Variants in AOPEP observed in about 807,000 individuals in gnomAD.
The protein encoded by AOPEP is aminopeptidase O (putative), also known as aminopeptidase O.
In AOPEP, 77 loss-of-function variants were observed where a neutral mutation model predicts 98.1. That is an observed-to-expected ratio of 0.78 (90% CI 0.65 to 0.95). The LOEUF (loss-of-function observed/expected upper bound fraction) is 0.95, where lower values mean the gene tolerates loss of function less well. Among genes scored for constraint, AOPEP ranks in the 40% least tolerant of loss-of-function variants. The pLI, the probability that AOPEP is intolerant of heterozygous loss-of-function variation, is 0.00. For missense variants in AOPEP, 1,024 were observed against 1,024.7 expected, an observed-to-expected ratio of 1.00 and a Z score of 0.01; for synonymous variants, 346 against 365.3, an observed-to-expected ratio of 0.95 and a Z score of 0.60.
At chr9:95,086,167 C>T (rs756541356) in intron 16 of AOPEP, 2 of 1,331,756 alleles carry the variant, frequency 1.5e-6, no homozygotes, top group Admixed American at 4.2e-5. Flanking sequence ...TCGCGGCAGA[C>T]AGGCCCGCGT....
intron 9 of AOPEP, among the ~76,000 whole-genome samples, chr9:94,966,793 T>C (rs1378773936): frequency 6.6e-6 from 1 of 152,200 alleles, no homozygotes; most frequent in Non-Finnish European, 1.5e-5. Flanking sequence ...GCATCTCTTC[T>C]TATTTGACAA....
intron 4 of AOPEP, among the ~76,000 whole-genome samples, chr9:94,798,127 G>A (rs1847432531): frequency 6.6e-6 from 1 of 152,188 alleles, no homozygotes; most frequent in Admixed American, 6.5e-5. Flanking sequence ...AAGTGAGCCA[G>A]TCTGAGAAGA....
chr9:95,141,311 CAAAAAAAA>C, the AOPEP span, among the ~76,000 whole-genome samples: 1 of 54,862 alleles, frequency 1.8e-5, no homozygotes, highest in African/African-American at 7.5e-5. Context: ...GACCCTGTCT[CAAAAAAAA>C]AAAAAAAAAA....
chr9:94,931,773 C>A, intron 7 of AOPEP: 5 of 1,550,114 alleles, frequency 3.2e-6, no homozygotes, highest in Non-Finnish European at 4.4e-6. Context: ...CCACACTGTT[C>A]AACATGTTTG....
At chr9:95,002,093 C>T (rs1225547373) in intron 11 of AOPEP, among the ~76,000 whole-genome samples, 1 of 152,028 alleles carries the variant, frequency 6.6e-6, no homozygotes, top group Admixed American at 6.6e-5. Flanking sequence ...TATAAAGTTA[C>T]CCTGGCAATA....
Position 95,005,167 on chromosome 9 carries a change from AG to A in AOPEP, c.1990del (p.Glu664SerfsTer24). The A allele has an allele frequency of 8.7e-7, 1 of 1,152,774 alleles. No homozygotes were observed. The highest frequency in any genetic ancestry group is 1.1e-6 in the Non-Finnish European group (1 of 933,344). The allele number at this position is 1,152,774 out of a possible 1,614,324, so 71.4% of individuals were successfully genotyped here. On this transcript the variant is annotated frameshift_variant, in exon 12 of 17. Coordinates refer to ENST00000375315, the MANE Select transcript of AOPEP (RefSeq NM_001193329.3). LOFTEE classifies it high-confidence loss of function. Reference protein sequence around the residue: ...ESSGIPKPLQRERRAGAECGL... With the variant: ...ESSGIPKPLQXERRAGAECGL... ...TCCTCTTCCCCCGCAGCCGCTGCAGAGGGAGCGTCGCGCCGGGGCGGAGTGC... is the reference window on the plus strand; with the variant it reads ...TCCTCTTCCCCCGCAGCCGCTGCAGAGGAGCGTCGCGCCGGGGCGGAGTGC...
intron 9 of AOPEP, among the ~76,000 whole-genome samples, chr9:94,963,442 C>T (rs1397612410): frequency 6.6e-6 from 1 of 151,852 alleles, no homozygotes; most frequent in Admixed American, 6.6e-5. Flanking sequence ...ATGCGATGGA[C>T]CTGATTGGCA....
intron 13 of AOPEP, among the ~76,000 whole-genome samples, chr9:95,012,991 G>A (rs1416421259): frequency 7.2e-6 from 1 of 139,614 alleles, no homozygotes; most frequent in African/African-American, 2.6e-5. Flanking sequence ...TTTTTTTGGG[G>A]GGGGGGGCAG....
At chr9:94,924,488 G>T (rs1376081837) in intron 6 of AOPEP, among the ~76,000 whole-genome samples, 1 of 152,206 alleles carries the variant, frequency 6.6e-6, no homozygotes, top group East Asian at 1.9e-4. Context: ...CTGATAAGGA[G>T]ATATTTGAGC....
chr9:94,922,321 C>T (rs2053744462), intron 5 of AOPEP, among the ~76,000 whole-genome samples: 1 of 152,116 alleles, frequency 6.6e-6, no homozygotes, highest in African/African-American at 2.4e-5. Flanking sequence ...GGAGTCCGCC[C>T]TCCAGTCTCT....
At chr9:94,918,085 T>C (rs2053090075) in intron 5 of AOPEP, among the ~76,000 whole-genome samples, 1 of 152,204 alleles carries the variant, frequency 6.6e-6, no homozygotes, top group African/African-American at 2.4e-5. Flanking sequence ...TACCAGGCTT[T>C]AGCAAATATA....
intron 13 of AOPEP, among the ~76,000 whole-genome samples, chr9:95,039,032 G>C (rs1424942790): frequency 1.3e-5 from 2 of 152,186 alleles, no homozygotes; most frequent in African/African-American, 4.8e-5. Context: ...AAAGTGACCA[G>C]CTCTGGGTTT....
At chr9:94,931,314 C>T (rs1044742964) in intron 7 of AOPEP, among the ~76,000 whole-genome samples, 15 of 152,016 alleles carry the variant, frequency 9.9e-5, no homozygotes, top group African/African-American at 3.6e-4. Context: ...TCTTTGTCTT[C>T]GTATTCAGAA....
intron 13 of AOPEP, chr9:95,056,320 C>A: frequency 6.6e-6 from 1 of 152,540 alleles, no homozygotes. Context: ...CCGGGAGGTG[C>A]CCTCCTTTGC....
chr9:95,080,964 C>G, intron 15 of AOPEP, 184 bp downstream of exon 15: 1 of 597,946 alleles, frequency 1.7e-6, no homozygotes, highest in Non-Finnish European at 3.0e-6. Flanking sequence ...CTCTCAATGT[C>G]TTTGAAGGAT....
chr9:95,146,100 T>C, the AOPEP span, among the ~76,000 whole-genome samples: 1 of 152,154 alleles, frequency 6.6e-6, no homozygotes, highest in Non-Finnish European at 1.5e-5. Flanking sequence ...GATGTAATAA[T>C]GGTATTGTAG....
At chr9:95,117,186 A>C in the AOPEP span, 3 of 843,350 alleles carry the variant, frequency 3.6e-6, no homozygotes, top group Middle Eastern at 2.9e-4. Flanking sequence ...TGGGGGCTTA[A>C]AGGGATCTTA....
At chr9:95,080,831 C>A in intron 15 of AOPEP, 51 bp downstream of exon 15, 1 of 1,204,006 alleles carries the variant, frequency 8.3e-7, no homozygotes, top group Non-Finnish European at 1.2e-6. Context: ...TGTCCCTGCA[C>A]TTCACACAGG....
At chr9:94,801,808 A>T (rs1456522208) in intron 5 of AOPEP, among the ~76,000 whole-genome samples, 1 of 152,204 alleles carries the variant, frequency 6.6e-6, no homozygotes. Context: ...AAGCTCATCA[A>T]AACATGTGAC....
Sources: gnomAD v4.1 joint callset for allele counts (sites outside exome capture counted in the v4.1 genomes callset) on GRCh38, gnomAD v4.1.1 for gene constraint, MANE v1.5 for transcripts, NCBI Gene and HGNC (gene_info 2026-07-23, HGNC 2026-07-21) for gene names.